The following CROT variants were observed in gnomAD, a reference collection of about 807,000 sequenced individuals.
CROT encodes the protein peroxisomal carnitine O-octanoyltransferase.
CROT carries 84 observed loss-of-function variants against 89.2 expected under a neutral mutation model. That is an observed-to-expected ratio of 0.94 (90% CI 0.79 to 1.13). The LOEUF is 1.13. CROT is among the 50% of genes most tolerant of loss of function. CROT has a pLI of 0.00. For synonymous variants in CROT, 212 were observed against 239.5 expected (o/e 0.89, Z 1.06); for missense variants, 711 against 727.8 (o/e 0.98, Z 0.27).
chr7:87,359,055 G>A (rs1364806881), intron 3 of CROT, 151 bp from the exon 4 acceptor site: 2 of 592,628 alleles, frequency 3.4e-6, no homozygotes, highest in Non-Finnish European at 6.0e-6. Context: ...CTTTCATGTT[G>A]TCAACTCTTA....
chr7:87,365,622 C>CTT (rs1223252893), intron 6 of CROT, among the ~76,000 whole-genome samples: 1,809 of 128,390 alleles, frequency 0.014, 47 homozygotes, highest in African/African-American at 0.052. Flanking sequence ...TTTTGTTTGT[C>CTT]TTTTTTTTTT....
intron 13 of CROT, among the ~76,000 whole-genome samples, chr7:87,383,147 A>G (rs78439478): frequency 0.062 from 9,403 of 152,078 alleles, 339 homozygotes; most frequent in South Asian, 0.16. Flanking sequence ...GGTATTTTGA[A>G]ATATACAACA....
chr7:87,351,243 A>G (rs990931660), intron 3 of CROT, among the ~76,000 whole-genome samples: 1 of 142,868 alleles, frequency 7.0e-6, no homozygotes, highest in African/African-American at 2.6e-5. Flanking sequence ...CGGGAGGCAG[A>G]GCTTGCAGTG....
chr7:87,365,083 T>G (rs1465679082), intron 6 of CROT, among the ~76,000 whole-genome samples: 2 of 152,210 alleles, frequency 1.3e-5, no homozygotes, highest in Non-Finnish European at 1.5e-5. Context: ...CTGTGTTTTT[T>G]TCTTCAGCAT....
chr7:87,394,855 G>C (rs1389702731), intron 17 of CROT, among the ~76,000 whole-genome samples: 1 of 152,108 alleles, frequency 6.6e-6, no homozygotes, highest in African/African-American at 2.4e-5. Flanking sequence ...AAGAGGTTTG[G>C]CTTTAAAAAT....
rs1405353112 is a variant in CROT at position 87,391,716 on chromosome 7, A to T, written c.1425+4A>T. ...CATGCAGGATCCTTCTGTCAATGTG[A>T]GTATTGGAAAGGAAAAAAACTCACA... On this transcript the variant is annotated splice_donor_region_variant and intron_variant, in intron 14 of 17. Transcript: ENST00000331536. 2.5e-6 allele frequency: 4 copies of T among 1,600,186 alleles called. No homozygotes were observed. Among genetic ancestry groups the T allele is most frequent in the Non-Finnish European group, 3.4e-6 (4 of 1,176,006 alleles).
intron 3 of CROT, among the ~76,000 whole-genome samples, 168 bp downstream of exon 3, chr7:87,349,351 C>T (rs1805799174): frequency 6.6e-6 from 1 of 152,074 alleles, no homozygotes; most frequent in Non-Finnish European, 1.5e-5. Context: ...TGAGAAGAGA[C>T]AGTTTATTGA....
intron 7 of CROT, chr7:87,369,830 TATA>T (rs1806573354): frequency 6.7e-6 from 1 of 148,782 alleles, no homozygotes; most frequent in African/African-American, 2.4e-5. Flanking sequence ...ATATATAATA[TATA>T]ATATGTATTA....
chr7:87,364,491 A>G (rs945106387), intron 6 of CROT, among the ~76,000 whole-genome samples: 2 of 152,214 alleles, frequency 1.3e-5, no homozygotes, highest in African/African-American at 4.8e-5. Flanking sequence ...CCTTGACAAG[A>G]GCAGTTTTAA....
chr7:87,381,244 A>C (rs955628027), intron 10 of CROT, among the ~76,000 whole-genome samples: 4 of 152,198 alleles, frequency 2.6e-5, no homozygotes, highest in African/African-American at 9.7e-5. Flanking sequence ...TTATCTAAGG[A>C]ACATGGGGAA....
At chr7:87,396,173 G>T (rs1337939997) in intron 17 of CROT, among the ~76,000 whole-genome samples, 4 of 152,156 alleles carry the variant, frequency 2.6e-5, no homozygotes, top group Non-Finnish European at 5.9e-5. Flanking sequence ...TCATGCCTGT[G>T]TTTCCAGCAG....
At chr7:87,384,681 A>G (rs1807135518) in intron 13 of CROT, among the ~76,000 whole-genome samples, 1 of 152,028 alleles carries the variant, frequency 6.6e-6, no homozygotes, top group Non-Finnish European at 1.5e-5. Flanking sequence ...TGGGCTGCTG[A>G]TTGTTTCCTC....
rs74298122 is a variant in CROT at position 87,393,788 on chromosome 7, G to A, written c.1718+721G>A. ...GAAAAATTGGAATAGTAATATGCAT[G>A]ACATATTTCAGTTTCTAATACAACT... On this transcript the variant is annotated intron_variant, in intron 17 of 17. Transcript: ENST00000331536. Among the ~76,000 whole-genome samples the A allele has an allele frequency of 1.0e-3, 154 of 152,272 alleles. 1 individual carries two copies. In the East Asian group the frequency reaches 0.021, roughly 21 times the overall value.
chr7:87,376,658 C>T (rs1203412913), intron 9 of CROT, among the ~76,000 whole-genome samples: 2 of 150,676 alleles, frequency 1.3e-5, no homozygotes, highest in Admixed American at 6.6e-5. Context: ...TGAGAATCAC[C>T]AGACTTCTTT....
chr7:87,386,288 T>A (rs1018181423), intron 13 of CROT, among the ~76,000 whole-genome samples: 2 of 152,232 alleles, frequency 1.3e-5, no homozygotes, highest in African/African-American at 4.8e-5. Context: ...AGTGAAGCCA[T>A]CAGGTCCTAA....
At chr7:87,393,326 C>G (rs1302757092) in intron 17 of CROT, among the ~76,000 whole-genome samples, 1 of 152,058 alleles carries the variant, frequency 6.6e-6, no homozygotes, top group African/African-American at 2.4e-5. Flanking sequence ...TATCATCATC[C>G]TCAAAATCAG....
chr7:87,390,653 T>G (rs1019641995), intron 13 of CROT, among the ~76,000 whole-genome samples: 1 of 152,190 alleles, frequency 6.6e-6, no homozygotes, highest in Non-Finnish European at 1.5e-5. Context: ...TAAGAGAGTT[T>G]TATACCTAAA....
rs780534357 is a variant in CROT, at chr7:87,382,530, A to G, written c.1288A>G (p.Arg430Gly). 1.2e-6 allele frequency: 2 copies of G among 1,613,812 alleles called. No homozygotes were observed. The highest frequency in any genetic ancestry group is 1.7e-6 in the Non-Finnish European group (2 of 1,179,808). ...IQLALQLAYY[R>G]LHGHPGCCYE... ...GCTTGCACTTCAGCTGGCCTATTAC[A>G]GACTTCATGGACAGTAAGGACCATT... is the stretch of plus-strand genomic sequence containing the variant. The change falls in exon 13 of 18, where the codon AGA becomes GGA. Residue 430 changes from arginine to glycine, a missense_variant. Coordinates refer to ENST00000331536, the MANE Select transcript of CROT (RefSeq NM_021151.4).
In CROT at chr7:87,393,072, G is replaced by A; in HGVS notation, c.1718+5G>A. 1 of 1,611,040 alleles carries A rather than the reference G, an allele frequency of 6.2e-7. No homozygotes were observed. The highest frequency in any genetic ancestry group is 2.2e-5 in the East Asian group (1 of 44,854). On this transcript the variant is annotated splice_donor_5th_base_variant and intron_variant, in intron 17 of 17. Coordinates refer to ENST00000331536, the MANE Select transcript of CROT (RefSeq NM_021151.4). ...CTACCATATCAGAGATGACAGGTGA[G>A]GCTTCTCTTTTTTATTCTTTCTGTG...
Sources: allele counts gnomAD v4.1 joint callset (sites outside exome capture counted in the v4.1 genomes callset), GRCh38; gene constraint gnomAD v4.1.1; transcripts MANE v1.5; gene names NCBI Gene and HGNC (gene_info 2026-07-23, HGNC 2026-07-21).